STK32B: variants seen among roughly 807,000 people sequenced by gnomAD.
The protein encoded by STK32B is serine/threonine kinase 32B.
STK32B carries 43 observed loss-of-function variants against 52.6 expected under a neutral mutation model. The observed-to-expected ratio is 0.82, with a 90% CI of 0.64 to 1.05. The LOEUF is 1.05. Among genes scored for constraint, STK32B ranks in the 50% least tolerant of loss-of-function variants. The pLI is 0.00. For synonymous variants in STK32B, 238 were observed against 204.3 expected (o/e 1.17, Z -1.41); for missense variants, 621 against 534.6 (o/e 1.16, Z -1.59).
At chr4:5,466,888 A>G (rs957753806) in intron 10 of STK32B, 54 bp downstream of exon 10, 2 of 1,579,568 alleles carry the variant, frequency 1.3e-6, no homozygotes, top group Non-Finnish European at 1.7e-6. Flanking sequence ...TCATAGGGAA[A>G]TGACTGAGCC....
intron 3 of STK32B, among the ~76,000 whole-genome samples, chr4:5,305,807 G>T (rs1729892452): frequency 6.6e-6 from 1 of 151,976 alleles, no homozygotes; most frequent in Admixed American, 6.6e-5. Flanking sequence ...TTGTCTACTG[G>T]TGCTCTTTCA....
chr4:5,050,009 C>T (rs1037965724), upstream of STK32B, among the ~76,000 whole-genome samples: 1 of 152,196 alleles, frequency 6.6e-6, no homozygotes, highest in African/African-American at 2.4e-5. Flanking sequence ...TCCAAGTTAA[C>T]TGGCTAATGA....
chr4:5,252,622 C>T (rs1350090951), intron 3 of STK32B, among the ~76,000 whole-genome samples: 1 of 152,208 alleles, frequency 6.6e-6, no homozygotes. Flanking sequence ...CCCCTCTACT[C>T]TAGGCTGTCA....
the STK32B span, among the ~76,000 whole-genome samples, chr4:5,029,050 C>A: frequency 6.6e-6 from 1 of 152,164 alleles, no homozygotes; most frequent in African/African-American, 2.4e-5. Flanking sequence ...GGAGATGGTG[C>A]TAAACCATTC....
At chr4:5,306,741 A>G (rs1729950764) in intron 3 of STK32B, among the ~76,000 whole-genome samples, 1 of 152,092 alleles carries the variant, frequency 6.6e-6, no homozygotes, top group African/African-American at 2.4e-5. Flanking sequence ...GTCCTGTGAC[A>G]TTTATGCTTT....
intron 1 of STK32B, among the ~76,000 whole-genome samples, chr4:5,089,201 A>G (rs1712909639): frequency 1.3e-5 from 2 of 150,348 alleles, no homozygotes; most frequent in African/African-American, 4.9e-5. Flanking sequence ...GATCTAATAG[A>G]CAAATTTCTT....
chr4:5,286,077 A>G (rs978645687), intron 3 of STK32B, among the ~76,000 whole-genome samples: 2 of 152,104 alleles, frequency 1.3e-5, no homozygotes, highest in African/African-American at 4.8e-5. Context: ...AGGTCACTCA[A>G]ACCAACCCTG....
intron 3 of STK32B, among the ~76,000 whole-genome samples, chr4:5,291,892 G>A (rs1197548018): frequency 6.6e-6 from 1 of 152,072 alleles, no homozygotes; most frequent in African/African-American, 2.4e-5. Context: ...GGATACGTGT[G>A]CAGGTTTGTT....
chr4:5,411,270 C>T (rs1174137915), intron 5 of STK32B, among the ~76,000 whole-genome samples: 1 of 152,000 alleles, frequency 6.6e-6, no homozygotes, highest in Non-Finnish European at 1.5e-5. Flanking sequence ...CTCCTGACCT[C>T]GTGATCTGCC....
chr4:5,351,609 G>A (rs978883953), intron 4 of STK32B, among the ~76,000 whole-genome samples: 1 of 151,874 alleles, frequency 6.6e-6, no homozygotes, highest in African/African-American at 2.4e-5. Flanking sequence ...AAATAATAAA[G>A]ATCAGGGCAG....
intron 4 of STK32B, among the ~76,000 whole-genome samples, chr4:5,340,509 C>T (rs927825166): frequency 2.0e-5 from 3 of 152,326 alleles, no homozygotes; most frequent in African/African-American, 7.2e-5. Flanking sequence ...CTAACAGACC[C>T]TGCTTTTCTC....
chr4:5,065,367 T>G (rs1031730542), intron 1 of STK32B, among the ~76,000 whole-genome samples: 30 of 152,200 alleles, frequency 2.0e-4, no homozygotes, highest in African/African-American at 6.8e-4. Flanking sequence ...GGTGGCCCCC[T>G]TCTCCGTGAA....
chr4:5,180,652 A>G (rs1242200185), intron 3 of STK32B, among the ~76,000 whole-genome samples: 6 of 152,198 alleles, frequency 3.9e-5, no homozygotes, highest in Admixed American at 3.9e-4. Flanking sequence ...TGTTGGGGTC[A>G]TAAGGACACC....
At chr4:5,479,566 C>CA (rs1718519753) in intron 11 of STK32B, among the ~76,000 whole-genome samples, 1 of 152,172 alleles carries the variant, frequency 6.6e-6, no homozygotes, top group South Asian at 2.1e-4. Flanking sequence ...TTCTCCATTT[C>CA]AATTCTATGT....
chr4:5,325,389 G>A (rs1376636210), intron 3 of STK32B, among the ~76,000 whole-genome samples: 1 of 151,546 alleles, frequency 6.6e-6, no homozygotes, highest in African/African-American at 2.4e-5. Flanking sequence ...TTTTTGCTCT[G>A]TGTGCTGGGG....
chr4:5,393,139 A>G (rs1328836408), intron 4 of STK32B, among the ~76,000 whole-genome samples: 1 of 152,212 alleles, frequency 6.6e-6, no homozygotes, highest in Non-Finnish European at 1.5e-5. Flanking sequence ...ATAGGTCAAC[A>G]GCCAAGGTGA....
At chr4:5,227,721 A>G (rs1444946469) in intron 3 of STK32B, among the ~76,000 whole-genome samples, 1 of 152,224 alleles carries the variant, frequency 6.6e-6, no homozygotes, top group Non-Finnish European at 1.5e-5. Context: ...CCTGGAGAGA[A>G]GTACTTTATA....
chr4:5,342,383 A>G (rs1366055340), intron 4 of STK32B, among the ~76,000 whole-genome samples: 2 of 152,202 alleles, frequency 1.3e-5, no homozygotes, highest in African/African-American at 4.8e-5. Flanking sequence ...AAAAAGGATG[A>G]GTTCATGTCC....
intron 1 of STK32B, among the ~76,000 whole-genome samples, chr4:5,139,364 C>A (rs562808382): frequency 6.6e-6 from 1 of 152,162 alleles, no homozygotes. Context: ...GCTAGAGACA[C>A]CTTGGAGAGC....
Sources: gnomAD v4.1 joint callset for allele counts (sites outside exome capture counted in the v4.1 genomes callset) on GRCh38, gnomAD v4.1.1 for gene constraint, MANE v1.5 for transcripts, NCBI Gene and HGNC (gene_info 2026-07-23, HGNC 2026-07-21) for gene names.